Variants in TLN2 observed in about 807,000 individuals in gnomAD.
TLN2 encodes the protein talin-2.
Under a neutral mutation model 294.7 loss-of-function variants are expected in TLN2, and 118 were observed. That is an observed-to-expected ratio of 0.40 (90% CI 0.34 to 0.47). TLN2 has a LOEUF of 0.47. Among genes scored for constraint, TLN2 ranks in the 20% least tolerant of loss-of-function variants. The probability of loss-of-function intolerance (pLI) is 0.84; values close to 1 mark genes in which losing one functional copy is unlikely to be tolerated. For synonymous variants in TLN2, 1,431 were observed against 1,304.5 expected (o/e 1.10, Z -2.09); for missense variants, 3,083 against 3,282.2 (o/e 0.94, Z 1.48).
Position 62,502,269 on chromosome 15 carries a change from C to T in TLN2, c.-237-87418C>T, listed in dbSNP as rs185737846. ...GGAAAGGCACAGTAGCTTGAATTTA[C>T]TATATTTGACAGCTTTTCTCAAATG... On this transcript the variant is annotated intron_variant, in intron 1 of 58. Coordinates refer to ENST00000636159, the MANE Select transcript of TLN2 (RefSeq NM_015059.3). Among the ~76,000 whole-genome samples, 17 of 152,344 alleles carry T rather than the reference C, an allele frequency of 1.1e-4. 1 individual carries two copies. The East Asian group carries it at 2.5e-3, about 22-fold the overall frequency.
At chr15:62,661,819 T>G (rs1163797368) in intron 9 of TLN2, among the ~76,000 whole-genome samples, 1 of 152,124 alleles carries the variant, frequency 6.6e-6, no homozygotes, top group Non-Finnish European at 1.5e-5. Flanking sequence ...AGCAGCTACA[T>G]TTGGTGTTAC....
intron 11 of TLN2, among the ~76,000 whole-genome samples, chr15:62,678,205 G>A (rs2056446726): frequency 6.6e-6 from 1 of 152,086 alleles, no homozygotes; most frequent in African/African-American, 2.4e-5. Flanking sequence ...GTTTTGCTCA[G>A]TGGGCCCATT....
At chr15:62,647,981 C>T (rs941860758) in intron 4 of TLN2, among the ~76,000 whole-genome samples, 3 of 152,148 alleles carry the variant, frequency 2.0e-5, no homozygotes, top group Non-Finnish European at 2.9e-5. Flanking sequence ...AAACAAAAGC[C>T]ACTTGTACCA....
intron 3 of TLN2, among the ~76,000 whole-genome samples, chr15:62,622,936 A>G (rs928118493): frequency 4.6e-5 from 7 of 152,192 alleles, no homozygotes; most frequent in Non-Finnish European, 1.0e-4. Flanking sequence ...CTCAGAGCCC[A>G]TCGATGTTGC....
In TLN2 at chr15:62,657,856, T is replaced by A; in HGVS notation, c.746T>A (p.Phe249Tyr). Residue 249 changes from phenylalanine (F) to tyrosine (Y), a missense_variant, in exon 9 of 59, where the codon TTT (phenylalanine) becomes TAT (tyrosine). Coordinates refer to ENST00000636159, the MANE Select transcript of TLN2 (RefSeq NM_015059.3). ...GGTGGATTTCAAGCCCAGATACAAT[T>A]TGGACCTCATGTGGAACATAAACAC... ...EFGGFQAQIQ[F>Y]GPHVEHKHKP... is the part of the protein sequence containing the mutation. 1 of 1,614,002 alleles carries A rather than the reference T, an allele frequency of 6.2e-7. No individual in the cohort carries two copies. The highest frequency in any genetic ancestry group is 1.1e-5 in the South Asian group (1 of 91,026).
chr15:62,461,810 G>C (rs964645659), intron 1 of TLN2, among the ~76,000 whole-genome samples: 2 of 152,220 alleles, frequency 1.3e-5, no homozygotes, highest in Non-Finnish European at 2.9e-5. Context: ...AGAAATTGCT[G>C]GTGGCTCAAG....
chr15:62,544,747 C>A (rs1420546791), intron 1 of TLN2, among the ~76,000 whole-genome samples: 1 of 151,190 alleles, frequency 6.6e-6, no homozygotes, highest in Non-Finnish European at 1.5e-5. Context: ...TTTTCTTCCC[C>A]CCCTCTAATC....
In TLN2 at chr15:62,766,343, C is replaced by T. The variant is rs142261304; in HGVS notation, c.5117C>T (p.Ser1706Leu). 3.5e-5 allele frequency: 56 copies of T among 1,612,958 alleles called. No homozygotes were observed. Among genetic ancestry groups the T allele is most frequent in the African/African-American group, 2.7e-4 (20 of 74,916 alleles). Residue 1706 changes from serine to leucine, a missense_variant, in exon 41 of 59, where the codon TCG (serine) becomes TTG (leucine). Coordinates refer to ENST00000636159, the MANE Select transcript of TLN2 (RefSeq NM_015059.3). ...SVEALQEQLT[S>L]VVQEIGHLID... ...CAGGCCCTGCAGGAGCAGCTGACTTCGGTGGTCCAGGAAATCGGACACCTT... is the reference window on the plus strand; with the variant it reads ...CAGGCCCTGCAGGAGCAGCTGACTTTGGTGGTCCAGGAAATCGGACACCTT...
chr15:62,519,300 CACTT>C (rs145060950), intron 1 of TLN2, among the ~76,000 whole-genome samples: 2 of 152,288 alleles, frequency 1.3e-5, no homozygotes, highest in East Asian at 1.9e-4. Context: ...AAGTACCTCT[CACTT>C]ACATTGGTAA....
At chr15:62,689,846 CTTTTTTTT>C (rs1158144919) in intron 12 of TLN2, among the ~76,000 whole-genome samples, 45 of 15,404 alleles carry the variant, frequency 2.9e-3, no homozygotes, top group South Asian at 5.4e-3. Context: ...GTATGGGCTT[CTTTTTTTT>C]TTTTTTTTTT....
At chr15:62,651,482 A>G (rs904257805) in intron 5 of TLN2, among the ~76,000 whole-genome samples, 1 of 152,222 alleles carries the variant, frequency 6.6e-6, no homozygotes, top group African/African-American at 2.4e-5. Context: ...AGATAGCCTA[A>G]GAGAATATAG....
chr15:62,586,694 T>C (rs916378511), intron 1 of TLN2, among the ~76,000 whole-genome samples: 2 of 152,198 alleles, frequency 1.3e-5, no homozygotes, highest in African/African-American at 2.4e-5. Flanking sequence ...GTTACACATG[T>C]TATAATGGAA....
At chr15:62,609,562 TC>T (rs1236629167) in intron 2 of TLN2, among the ~76,000 whole-genome samples, 2 of 152,338 alleles carry the variant, frequency 1.3e-5, no homozygotes, top group Admixed American at 1.3e-4. Flanking sequence ...TTGTAGAGTA[TC>T]CCTCAGTTGA....
intron 57 of TLN2, 172 bp downstream of exon 57, chr15:62,836,245 C>A: frequency 1.1e-6 from 1 of 910,364 alleles, no homozygotes; most frequent in Non-Finnish European, 1.7e-6. Context: ...ACTGCTGCCC[C>A]ACCACGCTGC....
intron 1 of TLN2, among the ~76,000 whole-genome samples, chr15:62,526,468 C>G (rs188703215): frequency 3.9e-5 from 6 of 152,274 alleles, no homozygotes; most frequent in Admixed American, 2.0e-4. Flanking sequence ...GCTGGAACTT[C>G]GCTTCCGCAT....
rs2051997294 is a variant in TLN2, at chr15:62,647,314, G to A, written c.4G>A (p.Val2Met). M[V>M]ALSLKICVRH... ...ACTGTCCACATCATCTAGGAAAATGGTGGCCCTGTCCTTAAAGATTTGTGT... is the reference window on the plus strand; with the variant it reads ...ACTGTCCACATCATCTAGGAAAATGATGGCCCTGTCCTTAAAGATTTGTGT... Residue 2 changes from valine to methionine, a missense_variant, in exon 4 of 59, where the codon GTG becomes ATG. Val to Met is a conservative substitution (Grantham distance 21). Coordinates refer to ENST00000636159, the MANE Select transcript of TLN2 (RefSeq NM_015059.3). The A allele has an allele frequency of 6.2e-7, 1 of 1,613,950 alleles. No individual in the cohort carries two copies. The highest frequency in any genetic ancestry group is 8.5e-7 in the Non-Finnish European group (1 of 1,179,956).
intron 3 of TLN2, among the ~76,000 whole-genome samples, chr15:62,625,563 C>T (rs1302074197): frequency 6.6e-6 from 1 of 152,040 alleles, no homozygotes; most frequent in Non-Finnish European, 1.5e-5. Context: ...TGCTCCAGAG[C>T]CAAGAGGAAG....
intron 26 of TLN2, among the ~76,000 whole-genome samples, chr15:62,723,265 A>T (rs1259934703): frequency 6.6e-6 from 1 of 152,184 alleles, no homozygotes; most frequent in Non-Finnish European, 1.5e-5. Context: ...TAAAAAAGTT[A>T]TTTTGACCTG....
At chr15:62,523,341 G>A (rs2040568472) in intron 1 of TLN2, among the ~76,000 whole-genome samples, 1 of 152,196 alleles carries the variant, frequency 6.6e-6, no homozygotes, top group Admixed American at 6.5e-5. Context: ...TAAAGTTCTG[G>A]AATAAATACT....
Sources: gnomAD v4.1 joint callset for allele counts (sites outside exome capture counted in the v4.1 genomes callset) on GRCh38, gnomAD v4.1.1 for gene constraint, MANE v1.5 for transcripts, NCBI Gene and HGNC (gene_info 2026-07-23, HGNC 2026-07-21) for gene names.